Variants in ACRBP observed in about 807,000 individuals in gnomAD.
ACRBP encodes acrosin-binding protein.
A neutral mutation model predicts 69.0 loss-of-function variants in ACRBP; 52 were observed. That is an observed-to-expected ratio of 0.75 (90% confidence interval 0.60 to 0.95). The LOEUF (loss-of-function observed/expected upper bound fraction) is 0.95. ACRBP is among the 40% of genes least tolerant of loss of function. The pLI is 0.00. For synonymous variants in ACRBP, 267 were observed against 258.9 expected (o/e 1.03, Z -0.30); for missense variants, 604 against 673.0 (o/e 0.90, Z 1.13).
Position 6,644,540 on chromosome 12 carries a change from G to T in ACRBP, c.541C>A (p.Gln181Lys). 1 of 1,614,056 alleles carries T rather than the reference G, an allele frequency of 6.2e-7. No individual in the cohort carries two copies. The highest frequency in any genetic ancestry group is 1.3e-5 in the African/African-American group (1 of 75,006). Reference protein sequence around the residue: ...RLSNNVEELLQSSLSLGGQEQ... With the variant: ...RLSNNVEELLKSSLSLGGQEQ... ...TGGCCTCCCAGGGACAAGGAGGATT[G>T]TAGGAGCTCTTCCACGTTGTTGCTG... The change falls in exon 5 of 10, where the codon CAA becomes AAA. Residue 181 changes from glutamine to lysine, a missense_variant. Gln to Lys is a moderately conservative substitution (Grantham distance 53, BLOSUM62 1). Coordinates refer to ENST00000229243, the MANE Select transcript of ACRBP (RefSeq NM_032489.3).
At chr12:6,644,742 C>T (rs1949076270) in intron 4 of ACRBP, 137 bp from the exon 5 acceptor site, 2 of 1,359,694 alleles carry the variant, frequency 1.5e-6, no homozygotes, top group South Asian at 1.6e-5. Flanking sequence ...CAGAAAAGAA[C>T]ATAAGTATTA....
chr12:6,643,414 G>T, intron 6 of ACRBP, 125 bp downstream of exon 6: 1 of 1,347,238 alleles, frequency 7.4e-7, no homozygotes. Context: ...GTCCCACTTG[G>T]AGAGAATCTC....
chr12:6,643,783 T>C (rs1949069566), intron 5 of ACRBP, 112 bp from the exon 6 acceptor site: 2 of 1,441,556 alleles, frequency 1.4e-6, no homozygotes, highest in African/African-American at 1.4e-5. Context: ...ACATTCAGCA[T>C]GCTTAGCATG....
rs947283301 is a variant in ACRBP at position 6,640,350 on chromosome 12, C to G, written c.1250G>C (p.Gly417Ala). The change falls in exon 7 of 10, where the codon GGC (glycine) becomes GCC (alanine). Residue 417 changes from glycine to alanine, a missense_variant. Gly to Ala is a moderately conservative substitution (Grantham distance 60, BLOSUM62 0). Transcript: ENST00000229243. The surrounding 1 kb of genome is among the most constrained non-coding windows in gnomAD (Gnocchi z 5.3). ...PLLASQSLSI[G>A]NQVGSPESGR... is the part of the protein sequence containing the mutation. ...GGCTGCCGGGCTAGATACCTGGTTG[C>G]CGATGGACAGGCTCTGGGAGGCAAG... 6.2e-6 allele frequency: 10 copies of G among 1,614,014 alleles called. No individual in the cohort carries two copies. Among genetic ancestry groups the G allele is most frequent in the Non-Finnish European group, 8.5e-6 (10 of 1,179,994 alleles).
At chr12:6,641,869 G>A (rs577009860) in intron 6 of ACRBP, among the ~76,000 whole-genome samples, 5 of 152,244 alleles carry the variant, frequency 3.3e-5, no homozygotes, top group African/African-American at 7.2e-5. Context: ...GCAACATGGC[G>A]AGACCCTGTC....
At chr12:6,642,207 A>G (rs116052918) in intron 6 of ACRBP, among the ~76,000 whole-genome samples, 1,822 of 152,274 alleles carry the variant, frequency 0.012, 27 homozygotes, top group African/African-American at 0.035. Context: ...GCTCTATTGC[A>G]CATACTGCTA....
intron 9 of ACRBP, 143 bp downstream of exon 9, chr12:6,638,811 G>A (rs1949029864): frequency 6.7e-7 from 1 of 1,500,106 alleles, no homozygotes. Flanking sequence ...AGAGCCTGCT[G>A]GTGGAGGCCT....
chr12:6,639,311 G>A (rs1321123148), intron 8 of ACRBP, among the ~76,000 whole-genome samples: 1 of 152,226 alleles, frequency 6.6e-6, no homozygotes, highest in Non-Finnish European at 1.5e-5. Context: ...GGGGCAGGAC[G>A]GGGTAGATAA....
chr12:6,640,387 C>G lies in ACRBP; in HGVS notation c.1213G>C (p.Val405Leu), dbSNP rs368787320. 1.9e-6 allele frequency: 3 copies of G among 1,614,156 alleles called. No homozygotes were observed. In the South Asian group the frequency reaches 3.3e-5, roughly 18 times the overall value. ...CTCTGGGAGGCAAGCAAGGGGCTGA[C>G]AAAGGGAGTCTTGTGGGAGGTGTCG... is the stretch of plus-strand genomic sequence containing the variant. ...QCDTSHKTPF[V>L]SPLLASQSLS... Residue 405 changes from valine (V) to leucine (L), a missense_variant, in exon 7 of 10, where the codon GTC becomes CTC. By Grantham distance (32) the Val-to-Leu change is conservative. This residue lies in a region of ACRBP where 532 missense variants were observed against 562.9 expected (regional missense o/e 0.95). Transcript: ENST00000229243. The surrounding 1 kb of genome is among the most constrained non-coding windows in gnomAD (Gnocchi z 5.3).
At chr12:6,638,772 T>G in intron 9 of ACRBP, 182 bp downstream of exon 9, 1 of 1,446,422 alleles carries the variant, frequency 6.9e-7, no homozygotes, top group Non-Finnish European at 9.1e-7. Context: ...AGGAGGGCCT[T>G]GCTTCCGCCA....
In ACRBP at chr12:6,647,333, G is replaced by C; in HGVS notation, c.34C>G (p.Leu12Val). 6.4e-7 allele frequency: 1 copy of C among 1,551,010 alleles called. No individual in the cohort carries two copies. Among genetic ancestry groups the C allele is most frequent in the Non-Finnish European group, 8.7e-7 (1 of 1,148,270 alleles). Residue 12 changes from leucine (L) to valine (V), a missense_variant, in exon 1 of 10, where the codon CTC becomes GTC. Coordinates refer to ENST00000229243, the MANE Select transcript of ACRBP (RefSeq NM_032489.3). ...GGTGTAAACCTCTCACCCTTCAGGA[G>C]TGAGGGAAGGAAGCCAGCGGCTGGC... ...RKPAAGFLPSLLKVLLLPLAP... is the reference protein window; with the variant it reads ...RKPAAGFLPSVLKVLLLPLAP...
At position 6,646,500 on chromosome 12, in the gene ACRBP, G is replaced by T. The variant is rs139786267; in HGVS notation, c.340C>A (p.His114Asn). Residue 114 changes from histidine (H) to asparagine (N), a missense_variant, in exon 3 of 10, where the codon CAC (histidine) becomes AAC (asparagine). His to Asn is a moderately conservative substitution (Grantham distance 68). This residue lies in a region of ACRBP where 532 missense variants were observed against 562.9 expected (regional missense o/e 0.95). Coordinates refer to ENST00000229243, the MANE Select transcript of ACRBP (RefSeq NM_032489.3). ...GGCCTCACCTTGGCATAGTAGACGT[G>T]GTTGGAGCAACGGTAGTGAGTGAAC... ...CQFTHYRCSN[H>N]VYYAKRVLCS... 36 of 1,613,928 alleles carry T rather than the reference G, an allele frequency of 2.2e-5. No individual in the cohort carries two copies. The African/African-American group carries it at 4.4e-4, about 20-fold the overall frequency.
In ACRBP at chr12:6,643,643, A is replaced by C; in HGVS notation, c.973T>G (p.Leu325Val). ...ACGATCGAATAGCACAGCACCAGCA[A>C]GGCCTCTGTGTGGGGCAGCTGCAGG... ...SLLQLPHTEA[L>V]LVLCYSIVEN... The change falls in exon 6 of 10, where the codon TTG (leucine) becomes GTG (valine). Residue 325 changes from leucine to valine, a missense_variant. Transcript: ENST00000229243. 1 of 1,614,220 alleles carries C rather than the reference A, an allele frequency of 6.2e-7. No individual in the cohort carries two copies. The highest frequency in any genetic ancestry group is 8.5e-7 in the Non-Finnish European group (1 of 1,180,018).
At chr12:6,646,695 C>G in intron 2 of ACRBP, 99 bp downstream of exon 2, 2 of 1,527,160 alleles carry the variant, frequency 1.3e-6, no homozygotes, top group Non-Finnish European at 1.8e-6. Flanking sequence ...GTGGTGCCAG[C>G]CATGCCCTTC....
intron 1 of ACRBP, 52 bp downstream of exon 1, chr12:6,647,271 AG>A: frequency 6.6e-7 from 1 of 1,517,712 alleles, no homozygotes. Context: ...AGCTCTCGGG[AG>A]GGAGAGGACT....
chr12:6,642,562 A>G (rs968208757), intron 6 of ACRBP, among the ~76,000 whole-genome samples: 1 of 152,098 alleles, frequency 6.6e-6, no homozygotes, highest in Admixed American at 6.6e-5. Flanking sequence ...GTCACAGAAA[A>G]TCTGTTTCTG....
At chr12:6,638,621 GA>G in intron 9 of ACRBP, 3 of 1,282,724 alleles carry the variant, frequency 2.3e-6, no homozygotes, top group Non-Finnish European at 3.1e-6. Context: ...CTGAGGCTCA[GA>G]GGGGGAAGTG....
chr12:6,644,300 G>C lies in ACRBP; in HGVS notation c.781C>G (p.Leu261Val). The change falls in exon 5 of 10, where the codon CTA (leucine) becomes GTA (valine). Residue 261 changes from leucine (L) to valine (V), a missense_variant. Transcript: ENST00000229243. ...DSEPKFHSES[L>V]SSNPSSFAPR... is the part of the protein sequence containing the mutation. ...GCAAAAGAGGAAGGGTTAGAAGATA[G>C]AGATTCAGAGTGAAACTTGGGCTCT... 1.2e-6 allele frequency: 2 copies of C among 1,614,158 alleles called. No individual in the cohort carries two copies. The highest frequency in any genetic ancestry group is 1.7e-6 in the Non-Finnish European group (2 of 1,180,024).
intron 9 of ACRBP, 72 bp downstream of exon 9, chr12:6,638,882 T>C: frequency 6.2e-7 from 1 of 1,601,462 alleles, no homozygotes; most frequent in South Asian, 1.1e-5. Context: ...AGAGGGGGCC[T>C]CAGAATAGAC....
Sources: allele counts gnomAD v4.1 joint callset (sites outside exome capture counted in the v4.1 genomes callset), GRCh38; gene constraint gnomAD v4.1.1; regional missense constraint gnomAD v4.1.1; non-coding constraint Gnocchi (gnomAD v3.1); transcripts MANE v1.5; gene names NCBI Gene and HGNC (gene_info 2026-07-23, HGNC 2026-07-21).